RAB44: variants seen among roughly 807,000 people sequenced by gnomAD.
RAB44 encodes the protein RAB44, member RAS oncogene family, also known as ras-related protein Rab-44.
A neutral mutation model predicts 93.3 loss-of-function variants in RAB44; 67 were observed. That is an observed-to-expected ratio of 0.72 (90% CI 0.59 to 0.88). RAB44 has a LOEUF of 0.88. Ranked by LOEUF, RAB44 falls within the 40% of genes least tolerant of loss-of-function variation. The pLI is 0.00. For synonymous variants in RAB44, 427 were observed against 520.3 expected, an observed-to-expected ratio of 0.82 and a Z score of 2.44; for missense variants, 1,064 against 1,261.7, an observed-to-expected ratio of 0.84 and a Z score of 2.37.
At chr6:36,707,863 G>A (rs1762687013) in intron 2 of RAB44, among the ~76,000 whole-genome samples, 1 of 152,172 alleles carries the variant, frequency 6.6e-6, no homozygotes, top group African/African-American at 2.4e-5. Flanking sequence ...TCAGAACGGA[G>A]GACAGTGGAA....
intron 2 of RAB44, among the ~76,000 whole-genome samples, chr6:36,705,849 G>C (rs921088194): frequency 2.6e-5 from 4 of 151,602 alleles, no homozygotes; most frequent in African/African-American, 7.3e-5. Context: ...TTTAGCTTCT[G>C]TCTGGACGCT....
In RAB44 at chr6:36,718,025, C is replaced by T. The variant is rs147029334; in HGVS notation, c.642-3C>T. ...GCCTGGCCCCAACTCCTGCTCCTCC[C>T]AGGCGTGACTCTGACCACCACCGCG... On this transcript the variant is annotated splice_polypyrimidine_tract_variant and splice_region_variant and intron_variant, in intron 5 of 13. Transcript: ENST00000612677. The T allele has an allele frequency of 1.7e-5, 21 of 1,231,910 alleles. No homozygotes were observed. Among genetic ancestry groups the T allele is most frequent in the Non-Finnish European group, 1.9e-5 (19 of 987,902 alleles). The allele number at this position is 1,231,910 out of a possible 1,614,324, so 76.3% of individuals were successfully genotyped here. A position where few individuals can be genotyped will look rare whatever the true frequency, so the allele number is the denominator to read the frequency against.
At chr6:36,728,632 A>T in intron 11 of RAB44, 68 bp from the exon 12 acceptor site, 1 of 1,315,990 alleles carries the variant, frequency 7.6e-7, no homozygotes, top group Non-Finnish European at 1.1e-6. Context: ...TTCAGCTTCT[A>T]GGAAGGCAAA....
At chr6:36,706,977 G>A (rs1389716838) in intron 2 of RAB44, among the ~76,000 whole-genome samples, 1 of 151,978 alleles carries the variant, frequency 6.6e-6, no homozygotes, top group Non-Finnish European at 1.5e-5. Flanking sequence ...AATTGTGAGG[G>A]GGTCAGTGAG....
chr6:36,732,847 C>T lies in RAB44; in HGVS notation c.*754C>T, dbSNP rs1763391592. The T allele has an allele frequency of 6.6e-6, 1 of 152,266 alleles. No individual in the cohort carries two copies. Among genetic ancestry groups the T allele is most frequent in the Non-Finnish European group, 1.5e-5 (1 of 68,098 alleles). 9.4% of individuals were successfully genotyped at this position (152,266 alleles called of 1,614,324 possible). The stretch of plus-strand genomic sequence containing the variant: ...CATTTGGGGGTCCCGCCCCCTGCTC[C>T]AATGCCATGGTGTCCCCAAGCACAG... On this transcript the variant is annotated 3_prime_UTR_variant, in exon 14 of 14. Transcript: ENST00000612677.
At chr6:36,707,144 A>C (rs544801139) in intron 2 of RAB44, among the ~76,000 whole-genome samples, 1 of 151,992 alleles carries the variant, frequency 6.6e-6, no homozygotes, top group Non-Finnish European at 1.5e-5. Context: ...ACATGGTGAA[A>C]CCCCGTCTCT....
Position 36,717,701 on chromosome 6 carries a change from G to A in RAB44, c.641+282G>A, listed in dbSNP as rs1762957442. Among the ~76,000 whole-genome samples the A allele has an allele frequency of 6.6e-6, 1 of 152,162 alleles. No homozygotes were observed. On this transcript the variant is annotated intron_variant, in intron 5 of 13. Transcript: ENST00000612677. This position sits in a 1 kb window ranked among gnomAD's most constrained non-coding sequence, Gnocchi z 4.1. Reference sequence around the variant, plus strand: ...GACTGTAATGCATGTGGTGACCCTGGAGTTGGGTTATAAGGGCAGGAGGAC... The same window carrying A: ...GACTGTAATGCATGTGGTGACCCTGAAGTTGGGTTATAAGGGCAGGAGGAC...
Position 36,720,491 on chromosome 6 carries a change from C to T in RAB44, c.957C>T (p.Thr319=), listed in dbSNP as rs1473132096. Reference sequence around the variant, plus strand: ...AGGTGCGGGGGCAGCTGCAGGTGACCAGGGGGCGCCTGGACGCCGCCAGGG... The same window carrying T: ...AGGTGCGGGGGCAGCTGCAGGTGACTAGGGGGCGCCTGGACGCCGCCAGGG... ...LEEVRGQLQV[T]RGRLDAARGR... Residue 319 remains threonine (T), a synonymous_variant, in exon 8 of 14, where the codon ACC becomes ACT. Transcript: ENST00000612677. 2.4e-6 allele frequency: 3 copies of T among 1,233,158 alleles called. No individual in the cohort carries two copies. In the East Asian group the frequency reaches 9.5e-5, roughly 39 times the overall value. The allele number at this position is 1,233,158 out of a possible 1,614,324, so 76.4% of individuals were successfully genotyped here.
rs1763089111 is a variant in RAB44, at chr6:36,721,740, G to A, written c.1606G>A (p.Ala536Thr). The A allele has an allele frequency of 3.2e-6, 4 of 1,234,330 alleles. No homozygotes were observed. The South Asian group carries it at 1.2e-4, about 38-fold the overall frequency. 76.5% of individuals were successfully genotyped at this position (1,234,330 alleles called of 1,614,324 possible). ...DPDDKGPGSW[A>T]PPSGAQPGAG... ...AGATGACAAGGGCCCTGGGTCTTGG[G>A]CTCCTCCCAGCGGGGCTCAGCCTGG... Residue 536 changes from alanine to threonine, a missense_variant, in exon 9 of 14, where the codon GCT becomes ACT. By Grantham distance (58) the Ala-to-Thr change is moderately conservative (BLOSUM62 0). Transcript: ENST00000612677.
intron 2 of RAB44, among the ~76,000 whole-genome samples, chr6:36,707,420 G>A (rs1040665878): frequency 4.0e-5 from 6 of 151,620 alleles, no homozygotes; most frequent in African/African-American, 1.2e-4. Context: ...AGAAGACCAG[G>A]AAAGAGCTTC....
At position 36,731,008 on chromosome 6, in the gene RAB44, A is replaced by T. The variant is rs1763352397; in HGVS notation, c.2975+259A>T. On this transcript the variant is annotated intron_variant, in intron 13 of 13. Transcript: ENST00000612677. The surrounding 1 kb of genome is among the most constrained non-coding windows in gnomAD (Gnocchi z 4.0). ...CAGGCACTTAGGCTCTCTGAGCCTC[A>T]GTTTTTTCATTTGCAAAGAGGGCTG... is the stretch of plus-strand genomic sequence containing the variant. Among the ~76,000 whole-genome samples the T allele has an allele frequency of 6.6e-6, 1 of 151,938 alleles. No homozygotes were observed. The highest frequency in any genetic ancestry group is 2.1e-4 in the South Asian group (1 of 4,816).
intron 9 of RAB44, among the ~76,000 whole-genome samples, chr6:36,725,081 T>C (rs911240331): frequency 2.0e-5 from 3 of 152,256 alleles, no homozygotes; most frequent in Non-Finnish European, 4.4e-5. Context: ...CCCCCAAAGT[T>C]AAGGCCACCT....
At chr6:36,712,694 A>G (rs1217098415) in intron 2 of RAB44, among the ~76,000 whole-genome samples, 1 of 152,206 alleles carries the variant, frequency 6.6e-6, no homozygotes, top group Non-Finnish European at 1.5e-5. Flanking sequence ...GAGATCACAA[A>G]TAGAAAAACA....
At chr6:36,699,816 A>G (rs1389090932) in intron 1 of RAB44, among the ~76,000 whole-genome samples, 1 of 152,180 alleles carries the variant, frequency 6.6e-6, no homozygotes, top group Non-Finnish European at 1.5e-5. Context: ...CCTCAAATAG[A>G]ATTCACCTTT....
At chr6:36,714,402 T>C (rs1762865035) in intron 3 of RAB44, among the ~76,000 whole-genome samples, 1 of 152,196 alleles carries the variant, frequency 6.6e-6, no homozygotes, top group Non-Finnish European at 1.5e-5. Flanking sequence ...ATCCTCCCGC[T>C]AATCCTCTCC....
intron 2 of RAB44, among the ~76,000 whole-genome samples, chr6:36,706,017 A>G (rs1762642173): frequency 6.6e-6 from 1 of 151,912 alleles, no homozygotes; most frequent in South Asian, 2.1e-4. Flanking sequence ...CTCTCACCTC[A>G]GGCTCCCAAG....
At position 36,725,959 on chromosome 6, in the gene RAB44, T is replaced by A; in HGVS notation, c.2681+16T>A. 6.5e-7 allele frequency: 1 copy of A among 1,544,176 alleles called. No homozygotes were observed. On this transcript the variant is annotated intron_variant, in intron 10 of 13. Coordinates refer to ENST00000612677, the MANE Select transcript of RAB44 (RefSeq NM_001257357.2). ...GCCAAGAGAGGTAACAGGCACTGTATATCAGTGTGTCAGGAACCTAGGCTG... is the reference window on the plus strand; with the variant it reads ...GCCAAGAGAGGTAACAGGCACTGTAAATCAGTGTGTCAGGAACCTAGGCTG...
At chr6:36,728,900 G>T (rs1763298581) in intron 12 of RAB44, 99 bp downstream of exon 12, 1 of 996,436 alleles carries the variant, frequency 1.0e-6, no homozygotes. Flanking sequence ...CAGCCGAGAA[G>T]AACCCGTGGC....
chr6:36,708,308 T>A (rs116731582), intron 2 of RAB44, among the ~76,000 whole-genome samples: 2,612 of 152,172 alleles, frequency 0.017, 72 homozygotes, highest in African/African-American at 0.058. Flanking sequence ...GAAATATTGA[T>A]ATTAATAGCA....
Sources: allele counts gnomAD v4.1 joint callset (sites outside exome capture counted in the v4.1 genomes callset), GRCh38; gene constraint gnomAD v4.1.1; non-coding constraint Gnocchi (gnomAD v3.1); transcripts MANE v1.5; gene names NCBI Gene and HGNC (gene_info 2026-07-23, HGNC 2026-07-21).